Variants in OSBPL1A observed in about 807,000 individuals in gnomAD.
The protein encoded by OSBPL1A is oxysterol binding protein like 1A, also known as oxysterol-binding protein-related protein 1.
Under a neutral mutation model 137.1 loss-of-function variants are expected in OSBPL1A, and 80 were observed. That is an observed-to-expected ratio of 0.58 (90% CI 0.49 to 0.70). The LOEUF (loss-of-function observed/expected upper bound fraction) is 0.70. Ranked by LOEUF, OSBPL1A falls within the 30% of genes least tolerant of loss-of-function variation. The pLI, the probability that OSBPL1A is intolerant of heterozygous loss-of-function variation, is 0.00. For synonymous variants in OSBPL1A, 365 were observed against 389.7 expected (o/e 0.94, Z 0.75); for missense variants, 970 against 1,129.4 (o/e 0.86, Z 2.02).
chr18:24,230,026 AG>A (rs2088221908), intron 16 of OSBPL1A, among the ~76,000 whole-genome samples: 1 of 152,256 alleles, frequency 6.6e-6, no homozygotes, highest in Non-Finnish European at 1.5e-5. Context: ...CTGGGATTAC[AG>A]GCATGGGCCA....
At chr18:24,168,429 A>G (rs1379991528) in intron 24 of OSBPL1A, among the ~76,000 whole-genome samples, 2 of 152,212 alleles carry the variant, frequency 1.3e-5, no homozygotes, top group Non-Finnish European at 2.9e-5. Flanking sequence ...GCATCTGATG[A>G]AAAGAGAATT....
rs138927322 is a variant in OSBPL1A at position 24,352,308 on chromosome 18, A to G, written c.283-10650T>C. Among the ~76,000 whole-genome samples, 12 of 152,276 alleles carry G rather than the reference A, an allele frequency of 7.9e-5. No homozygotes were observed. In the East Asian group the frequency reaches 2.1e-3, roughly 27 times the overall value. On this transcript the variant is annotated intron_variant, in intron 4 of 27. Transcript: ENST00000319481. ...CAGAGTGAGACCCTGTCTCAAAAAC[A>G]AACAAACAAAAAGAATGGGAGAGAC...
intron 7 of OSBPL1A, among the ~76,000 whole-genome samples, chr18:24,328,537 G>T (rs1414180287): frequency 6.6e-6 from 1 of 152,056 alleles, no homozygotes; most frequent in Non-Finnish European, 1.5e-5. Flanking sequence ...AGGCTCTCTG[G>T]GGAAGCAGAG....
intron 1 of OSBPL1A, among the ~76,000 whole-genome samples, chr18:24,389,357 G>A (rs574866190): frequency 3.2e-4 from 48 of 152,258 alleles, no homozygotes; most frequent in African/African-American, 1.1e-3. Flanking sequence ...AGGTCCACTA[G>A]GGAAAGTTAG....
At chr18:24,196,295 G>A in intron 17 of OSBPL1A, 95 bp from the exon 18 acceptor site, 1 of 819,706 alleles carries the variant, frequency 1.2e-6, no homozygotes, top group Non-Finnish European at 2.0e-6. Flanking sequence ...TGCAGGCACA[G>A]AAAGACCCTT....
intron 4 of OSBPL1A, among the ~76,000 whole-genome samples, chr18:24,351,355 A>AAAAAAAAAAAAAAAAAAC (rs1568045846): frequency 6.7e-6 from 1 of 150,068 alleles, no homozygotes. Flanking sequence ...CTCAAAAAAA[A>AAAAAAAAAAAAAAAAAAC]AAAAAAAAAA....
intron 9 of OSBPL1A, among the ~76,000 whole-genome samples, chr18:24,317,919 A>G (rs1465677456): frequency 1.3e-5 from 2 of 152,206 alleles, no homozygotes; most frequent in Non-Finnish European, 2.9e-5. Flanking sequence ...ACCATGTGAT[A>G]ATTCAAATAT....
chr18:24,307,414 T>C (rs1016424288), intron 13 of OSBPL1A, among the ~76,000 whole-genome samples: 12 of 152,256 alleles, frequency 7.9e-5, no homozygotes, highest in African/African-American at 1.7e-4. Flanking sequence ...TTGCAATATG[T>C]ATTTACATAA....
intron 14 of OSBPL1A, among the ~76,000 whole-genome samples, chr18:24,284,356 A>G (rs553406079): frequency 1.3e-5 from 2 of 152,304 alleles, no homozygotes; most frequent in East Asian, 3.9e-4. Flanking sequence ...ATGTTGCCTT[A>G]TTTGGCCTGC....
intron 15 of OSBPL1A, among the ~76,000 whole-genome samples, chr18:24,257,324 T>G (rs897791269): frequency 3.9e-5 from 6 of 151,972 alleles, no homozygotes; most frequent in Non-Finnish European, 8.8e-5. Context: ...AAACACATCC[T>G]CACACTCACA....
intron 1 of OSBPL1A, among the ~76,000 whole-genome samples, chr18:24,378,071 C>T (rs923704095): frequency 1.3e-5 from 2 of 152,074 alleles, no homozygotes; most frequent in Admixed American, 6.6e-5. Flanking sequence ...TATATGTAAA[C>T]AAATTTATTT....
chr18:24,375,314 CAAAAAAAAAAAAAAA>C lies in OSBPL1A; in HGVS notation c.121+2084_121+2098del, dbSNP rs61252568. Among the ~76,000 whole-genome samples, 59 of 41,722 alleles carry C rather than the reference CAAAAAAAAAAAAAAA, an allele frequency of 1.4e-3. 1 individual carries two copies. The highest frequency in any genetic ancestry group is 5.1e-3 in the African/African-American group (59 of 11,624). The allele number at this position is 41,722 out of a possible 152,430, so 27.4% of individuals were successfully genotyped here. On this transcript the variant is annotated intron_variant, in intron 2 of 27. Transcript: ENST00000319481. ...TGGGCAACAGAACAAAACCCTGTCT[CAAAAAAAAAAAAAAA>C]AAAAAAAAAAAAAGACAGAAGTACC...
At chr18:24,293,104 C>CAAAAAAAAAAAAAAAAAAAAAAA (rs1172730345) in intron 14 of OSBPL1A, among the ~76,000 whole-genome samples, 1 of 66,382 alleles carries the variant, frequency 1.5e-5, no homozygotes, top group Non-Finnish European at 2.7e-5. Flanking sequence ...ACTCCCGTCT[C>CAAAAAAAAAAAAAAAAAAAAAAA]AAAAAAAAAA....
chr18:24,195,362 C>T (rs1227720802), intron 18 of OSBPL1A, among the ~76,000 whole-genome samples: 1 of 152,122 alleles, frequency 6.6e-6, no homozygotes, highest in Non-Finnish European at 1.5e-5. Flanking sequence ...AAGTGGGTAT[C>T]TCTGCAGCGG....
chr18:24,391,678 A>G (rs1248848592), intron 1 of OSBPL1A, among the ~76,000 whole-genome samples: 1 of 152,106 alleles, frequency 6.6e-6, no homozygotes, highest in Non-Finnish European at 1.5e-5. Context: ...GCAGTGAGCT[A>G]AGACCATGCC....
At chr18:24,315,669 T>C (rs940208238) in intron 11 of OSBPL1A, among the ~76,000 whole-genome samples, 1 of 129,688 alleles carries the variant, frequency 7.7e-6, no homozygotes, top group African/African-American at 2.9e-5. Flanking sequence ...TAATATAATA[T>C]ATAATATATA....
intron 4 of OSBPL1A, among the ~76,000 whole-genome samples, chr18:24,362,186 G>A (rs1568053887): frequency 1.3e-5 from 2 of 151,456 alleles, no homozygotes; most frequent in African/African-American, 2.4e-5. Flanking sequence ...TCTGGGCCAT[G>A]TAGAAATAGA....
chr18:24,386,203 T>C (rs1004571164), intron 1 of OSBPL1A, among the ~76,000 whole-genome samples: 1 of 152,106 alleles, frequency 6.6e-6, no homozygotes, highest in African/African-American at 2.4e-5. Context: ...ATAGAGATTG[T>C]TTTATTGTTT....
At chr18:24,254,910 A>G (rs2089225497) in intron 15 of OSBPL1A, among the ~76,000 whole-genome samples, 1 of 152,208 alleles carries the variant, frequency 6.6e-6, no homozygotes, top group South Asian at 2.1e-4. Context: ...TGAAACAAAA[A>G]GATGGTTTTT....
Sources: gnomAD v4.1 joint callset for allele counts (sites outside exome capture counted in the v4.1 genomes callset) on GRCh38, gnomAD v4.1.1 for gene constraint, MANE v1.5 for transcripts, NCBI Gene and HGNC (gene_info 2026-07-23, HGNC 2026-07-21) for gene names.